EPHA5: variants seen among roughly 807,000 people sequenced by gnomAD.
The protein encoded by EPHA5 is EPH receptor A5.
In EPHA5, 60 loss-of-function variants were observed where a neutral mutation model predicts 105.0. The ratio of observed to expected loss-of-function variants is 0.57; its 90% CI spans 0.46 to 0.71. The LOEUF is 0.71. Ranked by LOEUF, EPHA5 falls within the 30% of genes least tolerant of loss-of-function variation. The pLI, the probability that EPHA5 is intolerant of heterozygous loss-of-function variation, is 0.00. For synonymous variants in EPHA5, 513 were observed against 449.1 expected (o/e 1.14, Z -1.80); for missense variants, 1,218 against 1,274.7 (o/e 0.96, Z 0.68).
intron 2 of EPHA5, among the ~76,000 whole-genome samples, chr4:65,642,819 G>T (rs1747779174): frequency 1.3e-5 from 2 of 151,954 alleles, no homozygotes; most frequent in African/African-American, 4.8e-5. Context: ...TAGATGAATT[G>T]CATGTGTACA....
chr4:65,614,410 A>ACTT (rs1560775277), intron 2 of EPHA5, among the ~76,000 whole-genome samples: 1 of 151,812 alleles, frequency 6.6e-6, no homozygotes, highest in East Asian at 1.9e-4. Context: ...ATTATTTCAT[A>ACTT]CTTTTACATC....
intron 1 of EPHA5, among the ~76,000 whole-genome samples, chr4:65,651,365 T>C (rs1560822734): frequency 1.3e-5 from 2 of 152,178 alleles, no homozygotes; most frequent in African/African-American, 2.4e-5. Flanking sequence ...TTATTTGCTG[T>C]TATTTGAAGA....
At chr4:65,585,189 A>G (rs1269088984) in intron 3 of EPHA5, among the ~76,000 whole-genome samples, 6 of 151,648 alleles carry the variant, frequency 4.0e-5, no homozygotes, top group Non-Finnish European at 8.8e-5. Context: ...TGTGCTTAGA[A>G]TAGTGTGTGA....
chr4:65,356,179 T>A (rs1404435460), intron 11 of EPHA5, among the ~76,000 whole-genome samples: 3 of 151,544 alleles, frequency 2.0e-5, no homozygotes, highest in African/African-American at 7.3e-5. Flanking sequence ...GGGCTTTTCC[T>A]GCATTTCTAC....
intron 3 of EPHA5, among the ~76,000 whole-genome samples, chr4:65,543,532 C>T (rs1376114780): frequency 1.3e-5 from 2 of 151,966 alleles, no homozygotes; most frequent in Non-Finnish European, 2.9e-5. Flanking sequence ...TGAAGGACCT[C>T]TTCAAGGGAA....
chr4:65,574,809 A>T (rs552421067), intron 3 of EPHA5, among the ~76,000 whole-genome samples: 2 of 148,734 alleles, frequency 1.3e-5, no homozygotes, highest in East Asian at 3.9e-4. Flanking sequence ...TGCTCTAGTG[A>T]TACTGTTTTT....
chr4:65,338,399 A>G (rs1043891983), intron 14 of EPHA5, among the ~76,000 whole-genome samples: 1 of 152,096 alleles, frequency 6.6e-6, no homozygotes, highest in Non-Finnish European at 1.5e-5. Context: ...TTTATTCAAA[A>G]CATGGTTTAT....
At chr4:65,554,981 CAAAAAAAAAAAAAAAAAAAAAA>C (rs71205383) in intron 3 of EPHA5, among the ~76,000 whole-genome samples, 3 of 92,620 alleles carry the variant, frequency 3.2e-5, no homozygotes, top group Non-Finnish European at 6.4e-5. Context: ...TATACAACAG[CAAAAAAAAAAAAAAAAAAAAAA>C]AAAAAAAAAG....
At chr4:65,495,681 A>T (rs1162028526) in intron 3 of EPHA5, 138 bp from the exon 4 acceptor site, 6 of 631,928 alleles carry the variant, frequency 9.5e-6, no homozygotes, top group Non-Finnish European at 1.3e-5. Flanking sequence ...AAGTTTTCAT[A>T]AGCTTCTGGA....
intron 3 of EPHA5, among the ~76,000 whole-genome samples, chr4:65,558,056 T>C (rs573141315): frequency 6.6e-6 from 1 of 152,126 alleles, no homozygotes; most frequent in South Asian, 2.1e-4. Flanking sequence ...TTTGTATTTT[T>C]AGTAGAGACA....
At chr4:65,561,315 T>A (rs979771599) in intron 3 of EPHA5, among the ~76,000 whole-genome samples, 2 of 152,064 alleles carry the variant, frequency 1.3e-5, no homozygotes, top group African/African-American at 2.4e-5. Context: ...AGAATGCCAA[T>A]CACTTTATTA....
chr4:65,390,556 A>G (rs1374847525), intron 8 of EPHA5, among the ~76,000 whole-genome samples: 1 of 151,948 alleles, frequency 6.6e-6, no homozygotes, highest in Non-Finnish European at 1.5e-5. Flanking sequence ...GTCATACCTT[A>G]CTAACCATCA....
intron 5 of EPHA5, among the ~76,000 whole-genome samples, chr4:65,432,025 T>A (rs1053970788): frequency 1.3e-5 from 2 of 152,178 alleles, no homozygotes; most frequent in African/African-American, 4.8e-5. Context: ...AATTTATGGA[T>A]AAAACTGACA....
At chr4:65,582,133 TC>T (rs1242714270) in intron 3 of EPHA5, among the ~76,000 whole-genome samples, 1 of 151,626 alleles carries the variant, frequency 6.6e-6, no homozygotes, top group Non-Finnish European at 1.5e-5. Flanking sequence ...TAAAAGGAAC[TC>T]CTCAGTGTGT....
intron 7 of EPHA5, among the ~76,000 whole-genome samples, chr4:65,409,346 A>AAATAAAT (rs1553910971): frequency 7.5e-6 from 1 of 134,212 alleles, no homozygotes; most frequent in Non-Finnish European, 1.6e-5. Context: ...ATAATAATAA[A>AAATAAAT]AAATAAATAA....
At chr4:65,618,780 A>G (rs1745462491) in intron 2 of EPHA5, among the ~76,000 whole-genome samples, 3 of 152,234 alleles carry the variant, frequency 2.0e-5, no homozygotes, top group Non-Finnish European at 4.4e-5. Flanking sequence ...CATTCCATTC[A>G]TAACTATAGA....
intron 2 of EPHA5, among the ~76,000 whole-genome samples, chr4:65,634,637 T>G (rs1416609677): frequency 6.6e-6 from 1 of 152,072 alleles, no homozygotes; most frequent in African/African-American, 2.4e-5. Context: ...ATCAGGCTTG[T>G]TCTTCATTAT....
intron 3 of EPHA5, among the ~76,000 whole-genome samples, chr4:65,515,512 A>G (rs1361048530): frequency 6.6e-6 from 1 of 152,152 alleles, no homozygotes; most frequent in Middle Eastern, 3.2e-3. Context: ...TCTCAACAAT[A>G]TTCTGTAGTT....
At position 65,457,952 on chromosome 4, in the gene EPHA5, T is replaced by C. The variant is rs556587782; in HGVS notation, c.1402+32425A>G. ...AGCCGGACTTGGTGACTGGCGCCTG[T>C]AGTTCCAGCTACTCGGGAGGCTGAG... On this transcript the variant is annotated intron_variant, in intron 5 of 16. Coordinates refer to ENST00000613740, the MANE Select transcript of EPHA5 (RefSeq NM_001281766.3). Among the ~76,000 whole-genome samples, 5 of 151,952 alleles carry C rather than the reference T, an allele frequency of 3.3e-5. No individual in the cohort carries two copies. In the South Asian group the frequency reaches 1.0e-3, roughly 32 times the overall value.
Sources: gnomAD v4.1 joint callset for allele counts (sites outside exome capture counted in the v4.1 genomes callset) on GRCh38, gnomAD v4.1.1 for gene constraint, MANE v1.5 for transcripts, NCBI Gene and HGNC (gene_info 2026-07-23, HGNC 2026-07-21) for gene names.